LRRC7: variants seen among roughly 807,000 people sequenced by gnomAD.
The protein encoded by LRRC7 is leucine rich repeat containing 7, also known as leucine-rich repeat-containing protein 7.
In LRRC7, 23 loss-of-function variants were observed where a neutral mutation model predicts 175.7. The observed-to-expected ratio is 0.13, with a 90% confidence interval of 0.09 to 0.19. The LOEUF (loss-of-function observed/expected upper bound fraction) is 0.19. Ranked by LOEUF, LRRC7 falls within the 10% of genes least tolerant of loss-of-function variation. The pLI is 1.00. For missense variants in LRRC7, 1,354 were observed against 1,904.7 expected, an observed-to-expected ratio of 0.71 and a Z score of 5.38; for synonymous variants, 685 against 680.9, an observed-to-expected ratio of 1.01 and a Z score of -0.09.
intron 7 of LRRC7, chr1:69,919,658 G>A: frequency 1.1e-6 from 1 of 915,854 alleles, no homozygotes; most frequent in East Asian, 2.4e-5. Flanking sequence ...GAAGGACTTT[G>A]AGTCTCCGGC....
chr1:70,097,351 C>T (rs1664480608), intron 25 of LRRC7, among the ~76,000 whole-genome samples: 1 of 152,176 alleles, frequency 6.6e-6, no homozygotes, highest in South Asian at 2.1e-4. Flanking sequence ...CATATTAAAC[C>T]TATGAGAATC....
intron 7 of LRRC7, among the ~76,000 whole-genome samples, chr1:69,873,130 G>T (rs1342598266): frequency 6.6e-6 from 1 of 152,116 alleles, no homozygotes; most frequent in Non-Finnish European, 1.5e-5. Context: ...AAGTGATAGT[G>T]TAAGCAAGTA....
intron 7 of LRRC7, among the ~76,000 whole-genome samples, chr1:69,865,722 T>C (rs1455484559): frequency 6.6e-6 from 1 of 151,968 alleles, no homozygotes; most frequent in African/African-American, 2.4e-5. Context: ...CCTCGTGATC[T>C]GCCCGCCTCA....
intron 8 of LRRC7, among the ~76,000 whole-genome samples, chr1:69,979,612 G>T (rs989951540): frequency 6.6e-6 from 1 of 152,078 alleles, no homozygotes; most frequent in African/African-American, 2.4e-5. Context: ...TTCAAGGCAA[G>T]TACTGGTGGT....
chr1:69,870,347 G>A (rs2211660), intron 7 of LRRC7, among the ~76,000 whole-genome samples: 12,972 of 152,058 alleles, frequency 0.085, 1,236 homozygotes, highest in African/African-American at 0.24. Context: ...AGAGAATAAT[G>A]CCAAAGAAGA....
intron 1 of LRRC7, 101 bp downstream of exon 1, chr1:69,568,742 G>C: frequency 7.2e-6 from 6 of 831,208 alleles, no homozygotes; most frequent in South Asian, 4.6e-5. Context: ...CCGGCCGGGG[G>C]CGGGGGTGGC....
At chr1:69,919,930 A>T in intron 7 of LRRC7, 3 of 638,508 alleles carry the variant, frequency 4.7e-6, no homozygotes, top group Non-Finnish European at 8.6e-6. Context: ...GTCACACAGT[A>T]TTTATTGTTA....
Position 69,776,478 on chromosome 1 carries a change from A to G in LRRC7, c.304-15565A>G, listed in dbSNP as rs564333600. 8.3e-4 allele frequency among the ~76,000 whole-genome samples: 126 copies of G among 152,286 alleles called. 1 individual carries two copies. Among genetic ancestry groups the G allele is most frequent in the African/African-American group, 2.9e-3 (119 of 41,568 alleles). On this transcript the variant is annotated intron_variant, in intron 3 of 26. Coordinates refer to ENST00000651989, the MANE Select transcript of LRRC7 (RefSeq NM_001370785.2). ...GCAGATGTTTTTTCTTCCAAAATGT[A>G]TGTGGAAATTAATTTTAATAAAATC...
chr1:69,724,133 A>G (rs1259677937), intron 2 of LRRC7, among the ~76,000 whole-genome samples: 2 of 152,158 alleles, frequency 1.3e-5, no homozygotes, highest in African/African-American at 4.8e-5. Flanking sequence ...TTCATTTTTC[A>G]TTGCTTCTTT....
intron 1 of LRRC7, among the ~76,000 whole-genome samples, chr1:69,580,898 T>G (rs1207687627): frequency 6.6e-6 from 1 of 152,224 alleles, no homozygotes; most frequent in Non-Finnish European, 1.5e-5. Flanking sequence ...AGAAGTAGCA[T>G]CTTTGATGAA....
At chr1:70,045,611 C>G (rs1385755616) in intron 22 of LRRC7, among the ~76,000 whole-genome samples, 1 of 152,124 alleles carries the variant, frequency 6.6e-6, no homozygotes, top group Non-Finnish European at 1.5e-5. Context: ...TAAATAGGCA[C>G]CTTTCTTATA....
intron 7 of LRRC7, among the ~76,000 whole-genome samples, chr1:69,918,274 G>A (rs1026791688): frequency 1.3e-5 from 2 of 152,168 alleles, no homozygotes; most frequent in Non-Finnish European, 1.5e-5. Context: ...GAAACCCTGC[G>A]TCTCTGGAAT....
At chr1:70,033,390 G>A (rs979821948) in intron 18 of LRRC7, among the ~76,000 whole-genome samples, 10 of 152,206 alleles carry the variant, frequency 6.6e-5, no homozygotes, top group African/African-American at 2.2e-4. Flanking sequence ...TAGTAGCACC[G>A]CAGCAGATGT....
chr1:69,732,611 A>T (rs1667695399), intron 2 of LRRC7, among the ~76,000 whole-genome samples: 2 of 152,068 alleles, frequency 1.3e-5, no homozygotes, highest in Non-Finnish European at 2.9e-5. Flanking sequence ...GATTTAAGTA[A>T]ATATAATAAT....
At chr1:69,956,753 T>C (rs1451574045) in intron 8 of LRRC7, among the ~76,000 whole-genome samples, 1 of 151,748 alleles carries the variant, frequency 6.6e-6, no homozygotes, top group Admixed American at 6.6e-5. Context: ...AACTGTAATA[T>C]ATTTAAGAAT....
chr1:69,600,717 A>G (rs1169868248), intron 1 of LRRC7, among the ~76,000 whole-genome samples: 1 of 151,150 alleles, frequency 6.6e-6, no homozygotes. Flanking sequence ...CTTCATGGAC[A>G]GTACAAGATA....
In LRRC7 at chr1:70,141,983, G is replaced by T. The variant is rs1158565185; in HGVS notation, c.*20096G>T. ...AAAAGAAATCACATTGTATTTCTTTGTATCTCTCCATTCCTCTTACCCTTC... is the reference window on the plus strand; with the variant it reads ...AAAAGAAATCACATTGTATTTCTTTTTATCTCTCCATTCCTCTTACCCTTC... On this transcript the variant is annotated 3_prime_UTR_variant, in exon 27 of 27. Transcript: ENST00000651989. The T allele has an allele frequency of 6.6e-6, 1 of 151,952 alleles. No individual in the cohort carries two copies. Among genetic ancestry groups the T allele is most frequent in the Non-Finnish European group, 1.5e-5 (1 of 67,924 alleles). 9.4% of individuals were successfully genotyped at this position (151,952 alleles called of 1,614,324 possible).
At chr1:69,853,266 CTTTCTTTTTTTTTT>C (rs1683191132) in intron 7 of LRRC7, among the ~76,000 whole-genome samples, 1 of 103,798 alleles carries the variant, frequency 9.6e-6, no homozygotes, top group Non-Finnish European at 2.0e-5. Context: ...TTTTTCCTTT[CTTTCTTTTTTTTTT>C]TTTTTTTTTT....
Position 70,127,384 on chromosome 1 carries a change from AG to A in LRRC7, c.*5502del, listed in dbSNP as rs1323115265. 6.6e-6 allele frequency among the ~76,000 whole-genome samples: 1 copy of A among 152,196 alleles called. No homozygotes were observed. The highest frequency in any genetic ancestry group is 2.4e-5 in the African/African-American group (1 of 41,452). On this transcript the variant is annotated 3_prime_UTR_variant, in exon 27 of 27. Coordinates refer to ENST00000651989, the MANE Select transcript of LRRC7 (RefSeq NM_001370785.2). Reference sequence around the variant, plus strand: ...GAATTCAGAGATTTTTGAAAAACCGAGGGGGCAAGTCTACTCTAAGTTTTTA... The same window carrying A: ...GAATTCAGAGATTTTTGAAAAACCGAGGGGCAAGTCTACTCTAAGTTTTTA...
Sources: gnomAD v4.1 joint callset for allele counts (sites outside exome capture counted in the v4.1 genomes callset) on GRCh38, gnomAD v4.1.1 for gene constraint, MANE v1.5 for transcripts, NCBI Gene and HGNC (gene_info 2026-07-23, HGNC 2026-07-21) for gene names.